The following CDK7 variants were observed in gnomAD, a reference collection of about 807,000 sequenced individuals.
CDK7 encodes the protein cyclin dependent kinase 7, also known as cyclin-dependent kinase 7.
A neutral mutation model predicts 49.1 loss-of-function variants in CDK7; 25 were observed. The ratio of observed to expected loss-of-function variants is 0.51; its 90% CI spans 0.37 to 0.71. The LOEUF (loss-of-function observed/expected upper bound fraction) is 0.71. Among genes scored for constraint, CDK7 ranks in the 30% least tolerant of loss-of-function variants. The probability of loss-of-function intolerance (pLI) is 0.00; values close to 1 mark genes in which losing one functional copy is unlikely to be tolerated. For missense variants in CDK7, 316 were observed against 411.7 expected (o/e 0.77, Z 2.01); for synonymous variants, 107 against 140.0 (o/e 0.76, Z 1.67).
chr5:69,261,596 T>A (rs1034944880), intron 7 of CDK7, among the ~76,000 whole-genome samples: 3 of 152,008 alleles, frequency 2.0e-5, no homozygotes, highest in South Asian at 2.1e-4. Flanking sequence ...AATGGCGCGA[T>A]CTCTGCTCAC....
chr5:69,271,309 G>GTTGAGTA (rs1370191453), intron 9 of CDK7, among the ~76,000 whole-genome samples: 1 of 152,038 alleles, frequency 6.6e-6, no homozygotes, highest in Non-Finnish European at 1.5e-5. Context: ...ATTTTTGACT[G>GTTGAGTA]TTGAGTATTG....
intron 2 of CDK7, among the ~76,000 whole-genome samples, chr5:69,238,102 G>C (rs778070726): frequency 2.0e-5 from 3 of 152,096 alleles, no homozygotes; most frequent in Non-Finnish European, 4.4e-5. Context: ...TTCACCTGTT[G>C]AGTCTTGGAC....
intron 10 of CDK7, among the ~76,000 whole-genome samples, chr5:69,273,771 A>G (rs976163477): frequency 2.8e-4 from 43 of 152,192 alleles, no homozygotes; most frequent in African/African-American, 1.0e-3. Context: ...TAAGCATACA[A>G]AATAGATTTT....
At position 69,254,719 on chromosome 5, in the gene CDK7, A is replaced by C. The variant is rs759079208; in HGVS notation, c.228+50A>C. Reference sequence around the variant, plus strand: ...GGGATTTGGGACTCTGCCTTTTCTTAATATAATGGATGTTGATTAAAGGCT... The same window carrying C: ...GGGATTTGGGACTCTGCCTTTTCTTCATATAATGGATGTTGATTAAAGGCT... On this transcript the variant is annotated intron_variant, in intron 4 of 11. Coordinates refer to ENST00000256443, the MANE Select transcript of CDK7 (RefSeq NM_001799.4). The C allele has an allele frequency of 1.8e-5, 17 of 943,350 alleles. No individual in the cohort carries two copies. In the South Asian group the frequency reaches 2.2e-4, roughly 12 times the overall value. The allele number at this position is 943,350 out of a possible 1,614,324, so 58.4% of individuals were successfully genotyped here.
At chr5:69,254,489 T>C (rs1157068822) in intron 3 of CDK7, 113 bp from the exon 4 acceptor site, 1 of 580,188 alleles carries the variant, frequency 1.7e-6, no homozygotes, top group Non-Finnish European at 3.1e-6. Context: ...GCCACTACAC[T>C]CTAGCCTGGG....
At chr5:69,270,583 ATC>A (rs1329222667) in intron 9 of CDK7, among the ~76,000 whole-genome samples, 2 of 152,156 alleles carry the variant, frequency 1.3e-5, no homozygotes, top group Non-Finnish European at 2.9e-5. Flanking sequence ...CACCACAAGA[ATC>A]TCTCATGGTA....
intron 2 of CDK7, among the ~76,000 whole-genome samples, chr5:69,237,109 G>C (rs942993237): frequency 1.3e-5 from 2 of 151,748 alleles, no homozygotes; most frequent in African/African-American, 4.8e-5. Context: ...TGGTGGCGGG[G>C]CAGGAGGAGG....
chr5:69,255,276 A>G (rs972151676), intron 4 of CDK7, among the ~76,000 whole-genome samples, 184 bp from the exon 5 acceptor site: 1 of 152,240 alleles, frequency 6.6e-6, no homozygotes, highest in African/African-American at 2.4e-5. Flanking sequence ...TTTATGCTTC[A>G]AAATACTAAT....
chr5:69,238,771 C>G (rs1318716152), intron 2 of CDK7, among the ~76,000 whole-genome samples: 1 of 151,178 alleles, frequency 6.6e-6, no homozygotes, highest in African/African-American at 2.4e-5. Context: ...AGTTCTCCTG[C>G]CGCAGCCTCT....
chr5:69,234,878 T>A (rs1427195121), upstream of CDK7: 2 of 1,200,788 alleles, frequency 1.7e-6, no homozygotes, highest in Non-Finnish European at 2.4e-6. Context: ...CGGAGCCCGG[T>A]GGACGGAAGT....
chr5:69,248,802 C>CTTTT (rs70992911), intron 2 of CDK7, among the ~76,000 whole-genome samples: 3 of 92,276 alleles, frequency 3.3e-5, no homozygotes, highest in Non-Finnish European at 4.0e-5. Flanking sequence ...TTTTTTTTTT[C>CTTTT]TTTTTTTTTT....
chr5:69,273,190 C>T, intron 10 of CDK7, 149 bp downstream of exon 10: 1 of 568,710 alleles, frequency 1.8e-6, no homozygotes. Context: ...TGTATCTTTT[C>T]CCCAAACTAC....
At chr5:69,237,982 T>G (rs996602242) in intron 2 of CDK7, among the ~76,000 whole-genome samples, 2 of 152,180 alleles carry the variant, frequency 1.3e-5, no homozygotes, top group African/African-American at 4.8e-5. Context: ...GAGGATTTGG[T>G]GTTGTAGACC....
intron 9 of CDK7, 22 bp from the exon 10 acceptor site, chr5:69,272,870 A>G: frequency 6.6e-7 from 1 of 1,515,906 alleles, no homozygotes; most frequent in Non-Finnish European, 9.0e-7. Context: ...CTTAAGTTTG[A>G]ATTACAAAAT....
At chr5:69,236,878 C>G (rs2150177865) in intron 2 of CDK7, among the ~76,000 whole-genome samples, 1 of 151,354 alleles carries the variant, frequency 6.6e-6, no homozygotes, top group African/African-American at 2.4e-5. Context: ...TCTCGAACTC[C>G]TGACCTCAGT....
chr5:69,239,946 A>C (rs537323592), intron 2 of CDK7, among the ~76,000 whole-genome samples: 1 of 151,118 alleles, frequency 6.6e-6, no homozygotes, highest in East Asian at 1.9e-4. Context: ...TCCTGGCCTC[A>C]AGCCATCCTC....
intron 8 of CDK7, among the ~76,000 whole-genome samples, chr5:69,266,086 T>C (rs1434843243): frequency 6.6e-6 from 1 of 151,958 alleles, no homozygotes. Flanking sequence ...GGTTCACCTT[T>C]AATTGGGCTC....
At chr5:69,247,355 TAC>T in intron 2 of CDK7, among the ~76,000 whole-genome samples, 1 of 152,362 alleles carries the variant, frequency 6.6e-6, no homozygotes, top group Non-Finnish European at 1.5e-5. Flanking sequence ...TGTCTTATTT[TAC>T]AGTTTTTGCT....
intron 8 of CDK7, among the ~76,000 whole-genome samples, chr5:69,263,635 A>G (rs944400325): frequency 8.5e-5 from 13 of 152,262 alleles, no homozygotes; most frequent in African/African-American, 3.1e-4. Flanking sequence ...TAATATGGGA[A>G]TCACAGTGCT....
Sources: allele counts gnomAD v4.1 joint callset (sites outside exome capture counted in the v4.1 genomes callset), GRCh38; gene constraint gnomAD v4.1.1; transcripts MANE v1.5; gene names NCBI Gene and HGNC (gene_info 2026-07-23, HGNC 2026-07-21).